The following SPNS3 variants were observed in gnomAD, a reference collection of about 807,000 sequenced individuals.
SPNS3 encodes protein spinster homolog 3.
In SPNS3, 51 loss-of-function variants were observed where a neutral mutation model predicts 54.4. The observed-to-expected ratio is 0.94, with a 90% CI of 0.75 to 1.18. The LOEUF (loss-of-function observed/expected upper bound fraction) is 1.18, where lower values mean the gene tolerates loss of function less well. Among genes scored for constraint, SPNS3 ranks in the 50% most tolerant of loss-of-function variants. The pLI is 0.00. For missense variants in SPNS3, 669 were observed against 677.4 expected (o/e 0.99, Z 0.14); for synonymous variants, 309 against 294.7 (o/e 1.05, Z -0.50).
At chr17:4,463,231 C>G (rs1971585813) in intron 8 of SPNS3, among the ~76,000 whole-genome samples, 1 of 151,506 alleles carries the variant, frequency 6.6e-6, no homozygotes, top group African/African-American at 2.4e-5. Flanking sequence ...AACCCTGTCT[C>G]TACTGGAAAT....
chr17:4,438,561 C>T (rs1171929802), intron 1 of SPNS3, among the ~76,000 whole-genome samples: 1 of 152,244 alleles, frequency 6.6e-6, no homozygotes, highest in Non-Finnish European at 1.5e-5. Flanking sequence ...GTCTGGGAGA[C>T]CCACTTTCTC....
At chr17:4,473,350 A>G in intron 8 of SPNS3, among the ~76,000 whole-genome samples, 1 of 150,156 alleles carries the variant, frequency 6.7e-6, no homozygotes, top group East Asian at 2.0e-4. Flanking sequence ...CATGGCTGTC[A>G]CTGAGGCCTT....
At chr17:4,477,052 G>A (rs1290590930) in intron 8 of SPNS3, among the ~76,000 whole-genome samples, 5 of 152,128 alleles carry the variant, frequency 3.3e-5, no homozygotes, top group Non-Finnish European at 7.4e-5. Flanking sequence ...ATCTCGGGGT[G>A]TCCTCTGATT....
chr17:4,446,000 T>C (rs1485378445), intron 3 of SPNS3, 48 bp from the exon 4 acceptor site: 2 of 1,559,432 alleles, frequency 1.3e-6, no homozygotes, highest in African/African-American at 2.7e-5. Context: ...TCCCTGGCCC[T>C]ATGGGTGATT....
In SPNS3 at chr17:4,446,153, C is replaced by T. The variant is rs377491047; in HGVS notation, c.508C>T (p.Arg170Cys). The part of the protein sequence containing the change: ...VLGDLFVRDQ[R>C]TRVLAVFYIF... The stretch of plus-strand genomic sequence containing the variant: ...GGGCGACCTCTTCGTGAGGGACCAG[C>T]GCACCCGCGTGCTGGCTGTCTTCTA... Residue 170 changes from arginine (R) to cysteine (C), a missense_variant, in exon 4 of 12, where the codon CGC becomes TGC. Physicochemically the swap from Arg to Cys is radical, Grantham distance 180 (BLOSUM62 -3). Coordinates refer to ENST00000355530, the MANE Select transcript of SPNS3 (RefSeq NM_182538.5). 9.3e-6 allele frequency: 15 copies of T among 1,613,304 alleles called. No homozygotes were observed. Among genetic ancestry groups the T allele is most frequent in the African/African-American group, 4.0e-5 (3 of 74,910 alleles).
At position 4,487,921 on chromosome 17, in the gene SPNS3, G is replaced by T; in HGVS notation, c.*27G>T. On this transcript the variant is annotated 3_prime_UTR_variant, in exon 12 of 12. Coordinates refer to ENST00000355530, the MANE Select transcript of SPNS3 (RefSeq NM_182538.5). ...GTCCCTGCCTACACTCGTCCTGCCT[G>T]CAAGCCTCCCGTTGGTCCCCACAGC... The T allele has an allele frequency of 6.2e-7, 1 of 1,604,202 alleles. No individual in the cohort carries two copies. The highest frequency in any genetic ancestry group is 8.5e-7 in the Non-Finnish European group (1 of 1,171,478).
At position 4,486,098 on chromosome 17, in the gene SPNS3, C is replaced by A; in HGVS notation, c.1180-130C>A. ...GGGTGGGACTTTAGACCTTGGGGACCGTCGACTCCCTCCCATCCCACTCAC... is the reference window on the plus strand; with the variant it reads ...GGGTGGGACTTTAGACCTTGGGGACAGTCGACTCCCTCCCATCCCACTCAC... On this transcript the variant is annotated intron_variant, in intron 9 of 11. Transcript: ENST00000355530. This position sits in a 1 kb window ranked among gnomAD's most constrained non-coding sequence, Gnocchi z 5.5. The A allele has an allele frequency of 1.4e-6, 1 of 707,502 alleles. No individual in the cohort carries two copies. Among genetic ancestry groups the A allele is most frequent in the Admixed American group, 3.7e-5 (1 of 27,320 alleles). 43.8% of individuals were successfully genotyped at this position (707,502 alleles called of 1,614,324 possible).
At chr17:4,471,402 C>G (rs1409643334) in intron 8 of SPNS3, among the ~76,000 whole-genome samples, 2 of 152,122 alleles carry the variant, frequency 1.3e-5, no homozygotes, top group Non-Finnish European at 2.9e-5. Flanking sequence ...CCCCTTGTCC[C>G]CCAAAAGGCT....
At chr17:4,454,270 C>A (rs2144074069) in intron 8 of SPNS3, among the ~76,000 whole-genome samples, 1 of 152,354 alleles carries the variant, frequency 6.6e-6, no homozygotes, top group South Asian at 2.1e-4. Context: ...CCCAAAGCCC[C>A]AGCCCTGCCT....
At chr17:4,480,910 C>T (rs992225177) in intron 9 of SPNS3, among the ~76,000 whole-genome samples, 9 of 152,290 alleles carry the variant, frequency 5.9e-5, no homozygotes, top group African/African-American at 9.6e-5. Flanking sequence ...TTTTGGCCTT[C>T]GGGGATCAGA....
chr17:4,454,149 C>T (rs1481984642), intron 8 of SPNS3, among the ~76,000 whole-genome samples: 1 of 152,236 alleles, frequency 6.6e-6, no homozygotes, highest in Non-Finnish European at 1.5e-5. Flanking sequence ...GGCTCAGCAC[C>T]TGTTTGGGTC....
At chr17:4,464,976 C>A (rs570572145) in intron 8 of SPNS3, among the ~76,000 whole-genome samples, 1 of 152,216 alleles carries the variant, frequency 6.6e-6, no homozygotes, top group African/African-American at 2.4e-5. Flanking sequence ...CCACCACTCC[C>A]GGCTGAGCCT....
chr17:4,468,004 A>G (rs1366152679), intron 8 of SPNS3, among the ~76,000 whole-genome samples: 1 of 152,210 alleles, frequency 6.6e-6, no homozygotes, highest in Non-Finnish European at 1.5e-5. Context: ...AAAGCAAGGT[A>G]TAAGGCCACC....
chr17:4,487,482 C>T (rs574510728), intron 11 of SPNS3, among the ~76,000 whole-genome samples: 3 of 152,292 alleles, frequency 2.0e-5, no homozygotes, highest in African/African-American at 7.2e-5. Context: ...CAGAGTGAGA[C>T]GGGAGCTGCT....
At position 4,433,966 on chromosome 17, in the gene SPNS3, G is replaced by A; in HGVS notation, c.-2G>A. ...GTCTCAGGCCAAGAGCTGCAGGCTG[G>A]CATGGCTGGGGGGATGTCAGCGGAG... On this transcript the variant is annotated 5_prime_UTR_variant, in exon 1 of 12. Transcript: ENST00000355530. 1.3e-6 allele frequency: 2 copies of A among 1,523,052 alleles called. No homozygotes were observed. Among genetic ancestry groups the A allele is most frequent in the Admixed American group, 2.1e-5 (1 of 46,958 alleles). 94.3% of individuals were successfully genotyped at this position (1,523,052 alleles called of 1,614,324 possible). A position where few individuals can be genotyped will look rare whatever the true frequency, so the allele number is the denominator to read the frequency against.
chr17:4,486,008 G>T lies in SPNS3; in HGVS notation c.1180-220G>T, dbSNP rs1972302348. 3 of 471,166 alleles carry T rather than the reference G, an allele frequency of 6.4e-6. No individual in the cohort carries two copies. The highest frequency in any genetic ancestry group is 4.3e-5 in the South Asian group (1 of 23,526). 29.2% of individuals were successfully genotyped at this position (471,166 alleles called of 1,614,324 possible). ...TCAAGAGGGGTGGCCCTGATCAGGGGCCTTGGCACCCCCATCCTGGGGCAC... is the reference window on the plus strand; with the variant it reads ...TCAAGAGGGGTGGCCCTGATCAGGGTCCTTGGCACCCCCATCCTGGGGCAC... On this transcript the variant is annotated intron_variant, in intron 9 of 11. Transcript: ENST00000355530. The surrounding 1 kb of genome is among the most constrained non-coding windows in gnomAD (Gnocchi z 5.5).
chr17:4,458,016 C>T (rs998314219), intron 8 of SPNS3, among the ~76,000 whole-genome samples: 1 of 152,102 alleles, frequency 6.6e-6, no homozygotes, highest in Non-Finnish European at 1.5e-5. Context: ...ATCCCGCCCC[C>T]ACCCCTTGGC....
At chr17:4,470,627 C>G (rs78108103) in intron 8 of SPNS3, among the ~76,000 whole-genome samples, 1 of 152,030 alleles carries the variant, frequency 6.6e-6, no homozygotes, top group African/African-American at 2.4e-5. Context: ...CTCCCCAGCC[C>G]GGGCCCTAGG....
chr17:4,477,276 G>A (rs1317265355), intron 8 of SPNS3, among the ~76,000 whole-genome samples: 1 of 152,220 alleles, frequency 6.6e-6, no homozygotes, highest in Non-Finnish European at 1.5e-5. Context: ...TGACCTGAGG[G>A]GTTAGACAGG....
Sources: gnomAD v4.1 joint callset for allele counts (sites outside exome capture counted in the v4.1 genomes callset) on GRCh38, gnomAD v4.1.1 for gene constraint, Gnocchi (gnomAD v3.1) non-coding constraint, MANE v1.5 for transcripts, NCBI Gene and HGNC (gene_info 2026-07-23, HGNC 2026-07-21) for gene names.